The following HSD17B4 variants were observed in gnomAD, a reference collection of about 807,000 sequenced individuals.
HSD17B4 encodes the protein peroxisomal multifunctional enzyme type 2.
Under a neutral mutation model 101.0 loss-of-function variants are expected in HSD17B4, and 70 were observed. That is an observed-to-expected ratio of 0.69 (90% confidence interval 0.57 to 0.85). The LOEUF is 0.85. HSD17B4 is among the 40% of genes least tolerant of loss of function. The pLI is 0.00. For missense variants in HSD17B4, 984 were observed against 892.4 expected, an observed-to-expected ratio of 1.10 and a Z score of -1.31; for synonymous variants, 347 against 297.1, an observed-to-expected ratio of 1.17 and a Z score of -1.73.
intron 2 of HSD17B4, among the ~76,000 whole-genome samples, chr5:119,466,756 T>G (rs1561433975): frequency 6.6e-6 from 1 of 152,138 alleles, no homozygotes; most frequent in Admixed American, 6.5e-5. Flanking sequence ...TCAGTGACCT[T>G]CTGTAATTTT....
intron 3 of HSD17B4, 65 bp downstream of exon 3, chr5:119,474,080 A>C: frequency 3.3e-6 from 3 of 912,410 alleles, no homozygotes; most frequent in Non-Finnish European, 3.6e-6. Flanking sequence ...TCACATTAAT[A>C]ATCTTTGAGC....
chr5:119,462,915 A>G (rs1580515359), intron 2 of HSD17B4, among the ~76,000 whole-genome samples: 1 of 152,262 alleles, frequency 6.6e-6, no homozygotes, highest in East Asian at 1.9e-4. Context: ...GTTGGCCATA[A>G]TCACCCTAGA....
intron 1 of HSD17B4, among the ~76,000 whole-genome samples, chr5:119,454,226 T>A (rs748793124): frequency 6.6e-6 from 1 of 152,300 alleles, no homozygotes; most frequent in Non-Finnish European, 1.5e-5. Flanking sequence ...AAACAATGAG[T>A]TGTGACTAGA....
intron 2 of HSD17B4, among the ~76,000 whole-genome samples, chr5:119,469,555 A>T (rs116265298): frequency 6.6e-6 from 1 of 152,150 alleles, no homozygotes; most frequent in African/African-American, 2.4e-5. Context: ...TAGTTTCATC[A>T]TGTTGGCCAT....
intron 12 of HSD17B4, among the ~76,000 whole-genome samples, chr5:119,497,273 C>A (rs1176122854): frequency 6.6e-6 from 1 of 152,114 alleles, no homozygotes; most frequent in Admixed American, 6.5e-5. Context: ...TTTTTACCCC[C>A]TGCAATGCTG....
chr5:119,539,922 C>CA (rs35193622), intron 23 of HSD17B4, among the ~76,000 whole-genome samples: 23,197 of 105,550 alleles, frequency 0.22, 3,127 homozygotes, highest in East Asian at 0.41. Flanking sequence ...CTGTCTCTAC[C>CA]AAAAAAAAAA....
intron 17 of HSD17B4, 145 bp from the exon 18 acceptor site, chr5:119,525,071 G>T: frequency 3.3e-6 from 2 of 606,320 alleles, no homozygotes; most frequent in South Asian, 2.0e-5. Flanking sequence ...AATCTTTATT[G>T]TTAAAAATAA....
At chr5:119,516,814 AGG>A (rs1312445885) in intron 17 of HSD17B4, among the ~76,000 whole-genome samples, 1 of 152,264 alleles carries the variant, frequency 6.6e-6, no homozygotes, top group African/African-American at 2.4e-5. Flanking sequence ...TGAGATAACT[AGG>A]GCACCTATTC....
At chr5:119,489,833 G>GT (rs139069434) in intron 9 of HSD17B4, among the ~76,000 whole-genome samples, 3,215 of 151,788 alleles carry the variant, frequency 0.021, 96 homozygotes, top group African/African-American at 0.072. Context: ...GAACTTTTCT[G>GT]TTTTTTTTAT....
At chr5:119,478,724 C>T (rs1434393793) in intron 7 of HSD17B4, 110 bp from the exon 8 acceptor site, 7 of 778,846 alleles carry the variant, frequency 9.0e-6, no homozygotes, top group South Asian at 1.4e-5. Context: ...AAGCTAATGA[C>T]AGTACACATA....
chr5:119,522,964 C>A (rs982958871), intron 17 of HSD17B4, among the ~76,000 whole-genome samples: 1 of 152,126 alleles, frequency 6.6e-6, no homozygotes. Context: ...TTTTGCACCC[C>A]CCAAGCCCTG....
chr5:119,541,664 A>G (rs1005203844), intron 23 of HSD17B4, among the ~76,000 whole-genome samples: 2 of 152,176 alleles, frequency 1.3e-5, no homozygotes. Context: ...CAGATCCATG[A>G]GTTCAGATAA....
chr5:119,530,194 A>T (rs1406794959), intron 21 of HSD17B4: 1 of 534,346 alleles, frequency 1.9e-6, no homozygotes, highest in Non-Finnish European at 3.3e-6. Context: ...GGATACTAGG[A>T]TATCTTTCAA....
At chr5:119,490,618 G>A (rs145418393) in intron 9 of HSD17B4, among the ~76,000 whole-genome samples, 2,105 of 152,084 alleles carry the variant, frequency 0.014, 25 homozygotes, top group Middle Eastern at 0.12. Flanking sequence ...AGGCTGAAGT[G>A]CAGTGGCGTG....
At position 119,485,118 on chromosome 5, in the gene HSD17B4, C is replaced by T. The variant is rs181744986; in HGVS notation, c.623-4074C>T. On this transcript the variant is annotated intron_variant, in intron 8 of 23. Coordinates refer to ENST00000510025, the MANE Select transcript of HSD17B4 (RefSeq NM_000414.4). ...TTGCATCTAACTTTGTACCTTCTTT[C>T]TACCCCCCTGCTTCATACCAAGAGA... is the stretch of plus-strand genomic sequence containing the variant. 3.4e-3 allele frequency among the ~76,000 whole-genome samples: 519 copies of T among 152,246 alleles called. 3 individuals are homozygous for T. The highest frequency in any genetic ancestry group is 5.6e-3 in the Non-Finnish European group (384 of 68,012).
chr5:119,533,969 A>G (rs1212202551), intron 22 of HSD17B4, among the ~76,000 whole-genome samples: 1 of 150,868 alleles, frequency 6.6e-6, no homozygotes, highest in African/African-American at 2.4e-5. Context: ...AGACAATCCT[A>G]TACTTTCAAA....
chr5:119,489,702 C>A (rs1749922398), intron 9 of HSD17B4, among the ~76,000 whole-genome samples: 1 of 152,228 alleles, frequency 6.6e-6, no homozygotes, highest in Non-Finnish European at 1.5e-5. Flanking sequence ...ATATTTTAAA[C>A]CCTTGGCATA....
chr5:119,495,383 A>G (rs915400502), intron 11 of HSD17B4, among the ~76,000 whole-genome samples: 5 of 152,356 alleles, frequency 3.3e-5, no homozygotes, highest in East Asian at 3.9e-4. Context: ...TTTTTAAAAA[A>G]TGATCTTTTC....
Position 119,509,302 on chromosome 5 carries a change from A to G in HSD17B4, c.1437+58A>G, listed in dbSNP as rs1048470432. On this transcript the variant is annotated intron_variant, in intron 16 of 23. Coordinates refer to ENST00000510025, the MANE Select transcript of HSD17B4 (RefSeq NM_000414.4). Reference sequence around the variant, plus strand: ...GTAGTTAAGGATTCTTACCTATACAATTGAGACTTGAACAGCATGAGTTTG... The same window carrying G: ...GTAGTTAAGGATTCTTACCTATACAGTTGAGACTTGAACAGCATGAGTTTG... 9.6e-6 allele frequency: 10 copies of G among 1,040,338 alleles called. No homozygotes were observed. In the African/African-American group the frequency reaches 1.1e-4, roughly 11 times the overall value. 64.4% of individuals were successfully genotyped at this position (1,040,338 alleles called of 1,614,324 possible).
Sources: allele counts gnomAD v4.1 joint callset (sites outside exome capture counted in the v4.1 genomes callset), GRCh38; gene constraint gnomAD v4.1.1; transcripts MANE v1.5; gene names NCBI Gene and HGNC (gene_info 2026-07-23, HGNC 2026-07-21).